Variants in ARFIP1 observed in about 807,000 individuals in gnomAD.
ARFIP1 encodes ARF interacting protein 1.
Under a neutral mutation model 42.5 loss-of-function variants are expected in ARFIP1, and 24 were observed. The observed-to-expected ratio is 0.57, with a 90% confidence interval of 0.41 to 0.80. The LOEUF is 0.80. Ranked by LOEUF, ARFIP1 falls within the 30% of genes least tolerant of loss-of-function variation. The pLI is 0.00. For missense variants in ARFIP1, 354 were observed against 434.0 expected (o/e 0.82, Z 1.64); for synonymous variants, 141 against 153.7 (o/e 0.92, Z 0.61).
chr4:152,783,905 TTGAAA>T (rs1225539179), intron 1 of ARFIP1, among the ~76,000 whole-genome samples: 1 of 152,132 alleles, frequency 6.6e-6, no homozygotes, highest in Non-Finnish European at 1.5e-5. Context: ...TTATAAATTC[TTGAAA>T]TGAAGATTCA....
chr4:152,881,060 A>G lies in ARFIP1; in HGVS notation c.509A>G (p.Lys170Arg). ...ATTGATATATTAAGGGATAACAAGA[A>G]AAAATATGAAAATATTTTAAAACTG... Reference protein sequence around the residue: ...AQIDILRDNKKKYENILKLAQ... With the variant: ...AQIDILRDNKRKYENILKLAQ... The change falls in exon 6 of 9, where the codon AAA becomes AGA. Residue 170 changes from lysine (K) to arginine (R), a missense_variant. Transcript: ENST00000353617. 3 of 1,613,824 alleles carry G rather than the reference A, an allele frequency of 1.9e-6. No individual in the cohort carries two copies. The highest frequency in any genetic ancestry group is 1.7e-6 in the Non-Finnish European group (2 of 1,179,740).
intron 1 of ARFIP1, among the ~76,000 whole-genome samples, chr4:152,795,354 T>G (rs750288280): frequency 2.0e-5 from 3 of 152,174 alleles, no homozygotes; most frequent in Non-Finnish European, 4.4e-5. Context: ...TCCTCATTCT[T>G]TATTTCCCCC....
rs1043147544 is a variant in ARFIP1, at chr4:152,824,976, C to CATACACACACACACACATACAT, written c.-9-4634_-9-4613dup. Among the ~76,000 whole-genome samples the CATACACACACACACACATACAT allele has an allele frequency of 7.9e-5, 12 of 151,146 alleles. 1 individual carries two copies. The highest frequency in any genetic ancestry group is 2.4e-4 in the African/African-American group (10 of 40,848). On this transcript the variant is annotated intron_variant, in intron 1 of 8. Transcript: ENST00000353617. The stretch of plus-strand genomic sequence containing the variant: ...TATACACACACGCACACCACACATA[C>CATACACACACACACACATACAT]ATACACACACACACACATACATATA...
chr4:152,891,003 G>A (rs957072883), intron 8 of ARFIP1, among the ~76,000 whole-genome samples: 9 of 152,184 alleles, frequency 5.9e-5, no homozygotes, highest in Non-Finnish European at 1.0e-4. Context: ...AGTTCACAAT[G>A]AAGGTACCAG....
intron 1 of ARFIP1, among the ~76,000 whole-genome samples, chr4:152,785,602 A>T (rs1011961683): frequency 2.0e-5 from 3 of 152,230 alleles, no homozygotes; most frequent in Admixed American, 6.5e-5. Flanking sequence ...TGCATCCAGC[A>T]TAAGTATTAT....
intron 2 of ARFIP1, among the ~76,000 whole-genome samples, chr4:152,848,346 G>A (rs916573398): frequency 6.6e-6 from 1 of 152,168 alleles, no homozygotes; most frequent in Non-Finnish European, 1.5e-5. Context: ...ATTCACGTAA[G>A]AACGAGGACG....
At chr4:152,833,649 T>C (rs1048667471) in intron 2 of ARFIP1, among the ~76,000 whole-genome samples, 2 of 152,192 alleles carry the variant, frequency 1.3e-5, no homozygotes, top group African/African-American at 2.4e-5. Flanking sequence ...AAAGAAAATA[T>C]ATACATACAC....
intron 2 of ARFIP1, among the ~76,000 whole-genome samples, chr4:152,842,810 C>T (rs1732202588): frequency 6.6e-6 from 1 of 151,840 alleles, no homozygotes; most frequent in African/African-American, 2.4e-5. Context: ...GAATATTTCT[C>T]CCTTCATTTC....
intron 8 of ARFIP1, among the ~76,000 whole-genome samples, chr4:152,892,898 G>C (rs1454628847): frequency 1.3e-5 from 2 of 152,114 alleles, no homozygotes; most frequent in African/African-American, 4.8e-5. Context: ...TAGCTCATTT[G>C]TCTTCTGATA....
chr4:152,830,330 T>G (rs1395639409), intron 2 of ARFIP1, among the ~76,000 whole-genome samples: 2 of 152,306 alleles, frequency 1.3e-5, no homozygotes, highest in Admixed American at 1.3e-4. Context: ...GTTTTTGTTT[T>G]CTAATCTCTA....
intron 7 of ARFIP1, among the ~76,000 whole-genome samples, chr4:152,887,330 G>A (rs1019730822): frequency 6.6e-6 from 1 of 151,942 alleles, no homozygotes; most frequent in Non-Finnish European, 1.5e-5. Context: ...ACACAGGATG[G>A]TAAGTGCTCT....
chr4:152,815,158 G>A (rs959204986), intron 1 of ARFIP1, among the ~76,000 whole-genome samples: 5 of 152,210 alleles, frequency 3.3e-5, no homozygotes, highest in Admixed American at 6.5e-5. Context: ...ATCCCAGAGT[G>A]TAGTTTTTAG....
chr4:152,856,747 T>C (rs1167672808), intron 2 of ARFIP1, among the ~76,000 whole-genome samples: 1 of 152,186 alleles, frequency 6.6e-6, no homozygotes, highest in Non-Finnish European at 1.5e-5. Flanking sequence ...TTTGGTACTT[T>C]TTTCCTTAAG....
At chr4:152,849,259 A>G (rs935101803) in intron 2 of ARFIP1, among the ~76,000 whole-genome samples, 2 of 151,994 alleles carry the variant, frequency 1.3e-5, no homozygotes, top group African/African-American at 2.4e-5. Flanking sequence ...TATAAACAAA[A>G]GCTATTAGTA....
At chr4:152,791,631 T>G (rs1731149844) in intron 1 of ARFIP1, among the ~76,000 whole-genome samples, 1 of 152,186 alleles carries the variant, frequency 6.6e-6, no homozygotes, top group South Asian at 2.1e-4. Flanking sequence ...TGCAAATTTC[T>G]TAGTATTTTA....
intron 1 of ARFIP1, among the ~76,000 whole-genome samples, chr4:152,780,631 G>T (rs1322020430): frequency 6.6e-6 from 1 of 152,056 alleles, no homozygotes; most frequent in Non-Finnish European, 1.5e-5. Context: ...CCTCTCTCCC[G>T]CAGTGGGAGG....
chr4:152,825,495 T>C (rs1394060226), intron 1 of ARFIP1, among the ~76,000 whole-genome samples: 1 of 152,148 alleles, frequency 6.6e-6, no homozygotes, highest in Non-Finnish European at 1.5e-5. Context: ...GATAACCATG[T>C]AGAAGAATGA....
intron 8 of ARFIP1, among the ~76,000 whole-genome samples, chr4:152,902,492 AC>A (rs1387573919): frequency 6.6e-6 from 1 of 152,108 alleles, no homozygotes; most frequent in Non-Finnish European, 1.5e-5. Context: ...ACAGAGTGAG[AC>A]CCTGTCTCGG....
chr4:152,787,130 A>C (rs944447710), intron 1 of ARFIP1, among the ~76,000 whole-genome samples: 8 of 152,278 alleles, frequency 5.3e-5, no homozygotes, highest in Non-Finnish European at 1.2e-4. Context: ...AATCCCTAGA[A>C]CCTAGCTCAG....
Sources: gnomAD v4.1 joint callset for allele counts (sites outside exome capture counted in the v4.1 genomes callset) on GRCh38, gnomAD v4.1.1 for gene constraint, MANE v1.5 for transcripts, NCBI Gene and HGNC (gene_info 2026-07-23, HGNC 2026-07-21) for gene names.